Variants in ZPLD1 observed in about 807,000 individuals in gnomAD.
ZPLD1 encodes zona pellucida like domain containing 1.
In ZPLD1, 34 loss-of-function variants were observed where a neutral mutation model predicts 47.2. That is an observed-to-expected ratio of 0.72 (90% CI 0.55 to 0.96). The LOEUF (loss-of-function observed/expected upper bound fraction) is 0.96. Among genes scored for constraint, ZPLD1 ranks in the 40% least tolerant of loss-of-function variants. The pLI is 0.00. For synonymous variants in ZPLD1, 176 were observed against 186.2 expected (o/e 0.95, Z 0.45); for missense variants, 512 against 505.8 (o/e 1.01, Z -0.12).
intron 8 of ZPLD1, among the ~76,000 whole-genome samples, chr3:102,425,720 G>A (rs1228964163): frequency 4.6e-5 from 7 of 151,882 alleles, no homozygotes; most frequent in Admixed American, 4.6e-4. Context: ...CTTAGATTAT[G>A]TTCATCTCAT....
intron 7 of ZPLD1, among the ~76,000 whole-genome samples, chr3:102,410,616 G>A (rs1706738582): frequency 6.6e-6 from 1 of 151,588 alleles, no homozygotes; most frequent in South Asian, 2.1e-4. Context: ...CACAAATGAG[G>A]TAGTCTTTCA....
intron 10 of ZPLD1, among the ~76,000 whole-genome samples, chr3:102,473,600 G>A (rs751312494): frequency 2.6e-5 from 4 of 152,062 alleles, no homozygotes; most frequent in Admixed American, 6.6e-5. Flanking sequence ...AAATAATTTT[G>A]ATAAATACAA....
chr3:102,438,560 A>G lies in ZPLD1; in HGVS notation c.73A>G (p.Asn25Asp), dbSNP rs1198590434. Residue 25 changes from asparagine to aspartate, a missense_variant, in exon 3 of 12, where the codon AAC becomes GAC. Physicochemically the swap from Asn to Asp is conservative, Grantham distance 23 (BLOSUM62 1). Transcript: ENST00000466937. ...GGGGTCTGCTCAGTTCAACGGCTAC[A>G]ACTGTGATGCCAACCTCCACAGTAG... The part of the protein sequence containing the change: ...LPGSAQFNGY[N>D]CDANLHSRFP... The G allele has an allele frequency of 3.1e-6, 5 of 1,613,810 alleles. No homozygotes were observed. Among genetic ancestry groups the G allele is most frequent in the Non-Finnish European group, 3.4e-6 (4 of 1,179,820 alleles).
At chr3:102,470,602 A>T (rs1378760915) in intron 10 of ZPLD1, 100 bp downstream of exon 10, 6 of 849,480 alleles carry the variant, frequency 7.1e-6, no homozygotes, top group Non-Finnish European at 5.6e-6. Flanking sequence ...AAACAGCACT[A>T]ATTAATTGTG....
chr3:102,439,441 C>T (rs1319740282), intron 3 of ZPLD1, among the ~76,000 whole-genome samples: 1 of 152,048 alleles, frequency 6.6e-6, no homozygotes, highest in African/African-American at 2.4e-5. Flanking sequence ...TCTTCATGAA[C>T]TTAGACCTAG....
intron 7 of ZPLD1, among the ~76,000 whole-genome samples, chr3:102,406,102 C>G (rs1288273964): frequency 4.6e-5 from 7 of 151,870 alleles, no homozygotes; most frequent in African/African-American, 1.7e-4. Context: ...TTAATATGAC[C>G]AGGCATGGCA....
Position 102,477,789 on chromosome 3 carries a change from G to T in ZPLD1, c.*171G>T. The T allele has an allele frequency of 1.8e-6, 1 of 559,308 alleles. No homozygotes were observed. Among genetic ancestry groups the T allele is most frequent in the Non-Finnish European group, 2.9e-6 (1 of 350,624 alleles). 34.6% of individuals were successfully genotyped at this position (559,308 alleles called of 1,614,324 possible). A position where few individuals can be genotyped will look rare whatever the true frequency, so the allele number is the denominator to read the frequency against. Reference sequence around the variant, plus strand: ...GATAGTGAAAGAAGTTTATTATATTGCTATTGTCACTTATGTACGTGGCGA... The same window carrying T: ...GATAGTGAAAGAAGTTTATTATATTTCTATTGTCACTTATGTACGTGGCGA... On this transcript the variant is annotated 3_prime_UTR_variant, in exon 12 of 12. Coordinates refer to ENST00000466937, the MANE Select transcript of ZPLD1 (RefSeq NM_001329788.2).
chr3:102,479,136 A>C lies in ZPLD1; in HGVS notation c.*1518A>C, dbSNP rs949639418. 2 of 152,178 alleles carry C rather than the reference A, an allele frequency of 1.3e-5. No individual in the cohort carries two copies. The highest frequency in any genetic ancestry group is 2.9e-5 in the Non-Finnish European group (2 of 68,010). The allele number at this position is 152,178 out of a possible 1,614,324, so 9.4% of individuals were successfully genotyped here. A position where few individuals can be genotyped will look rare whatever the true frequency, so the allele number is the denominator to read the frequency against. On this transcript the variant is annotated 3_prime_UTR_variant, in exon 12 of 12. Coordinates refer to ENST00000466937, the MANE Select transcript of ZPLD1 (RefSeq NM_001329788.2). ...ATAATTGCATCAACTTTTTATTTCA[A>C]GGTATAGTTGCCAAGTAAAGTGGGA...
chr3:102,448,203 T>C (rs1707286506), intron 3 of ZPLD1, among the ~76,000 whole-genome samples: 1 of 152,210 alleles, frequency 6.6e-6, no homozygotes, highest in African/African-American at 2.4e-5. Context: ...GCAATGTAAC[T>C]GCACATAAAC....
In ZPLD1 at chr3:102,448,096, C is replaced by T. The variant is rs1028553851; in HGVS notation, c.107-4823C>T. 1.2e-4 allele frequency among the ~76,000 whole-genome samples: 19 copies of T among 152,228 alleles called. 1 individual carries two copies. In the South Asian group the frequency reaches 1.5e-3, roughly 12 times the overall value. On this transcript the variant is annotated intron_variant, in intron 3 of 11. Coordinates refer to ENST00000466937, the MANE Select transcript of ZPLD1 (RefSeq NM_001329788.2). ...GATAGATGGACGACAGGGTACAGAA[C>T]ATTATTTTTACCCTATTCAGTTGAA...
At chr3:102,441,781 G>A (rs1324794672) in intron 3 of ZPLD1, among the ~76,000 whole-genome samples, 1 of 152,104 alleles carries the variant, frequency 6.6e-6, no homozygotes, top group African/African-American at 2.4e-5. Context: ...TAGTCCTCAA[G>A]TAAGAGGACT....
chr3:102,423,366 C>T (rs1005942793), intron 8 of ZPLD1, among the ~76,000 whole-genome samples: 6 of 151,842 alleles, frequency 4.0e-5, no homozygotes, highest in African/African-American at 9.7e-5. Context: ...CTCAGTGGTT[C>T]GTAATCTCAA....
chr3:102,396,472 G>T (rs564356838), intron 7 of ZPLD1, among the ~76,000 whole-genome samples: 2 of 152,048 alleles, frequency 1.3e-5, no homozygotes, highest in Non-Finnish European at 2.9e-5. Flanking sequence ...AAACTAATGG[G>T]TTACATCTTT....
At chr3:102,396,743 C>G (rs1302670990) in intron 7 of ZPLD1, among the ~76,000 whole-genome samples, 1 of 152,136 alleles carries the variant, frequency 6.6e-6, no homozygotes, top group African/African-American at 2.4e-5. Flanking sequence ...CCACGGCACT[C>G]TGTTACGCTC....
chr3:102,467,679 A>T (rs927304299), intron 8 of ZPLD1, among the ~76,000 whole-genome samples: 2 of 152,102 alleles, frequency 1.3e-5, no homozygotes, highest in African/African-American at 4.8e-5. Flanking sequence ...ACCTAAATAG[A>T]TTATTAATTT....
At chr3:102,465,141 C>A (rs1707571053) in intron 8 of ZPLD1, among the ~76,000 whole-genome samples, 1 of 152,132 alleles carries the variant, frequency 6.6e-6, no homozygotes, top group Non-Finnish European at 1.5e-5. Flanking sequence ...TTAAAAATTT[C>A]ATATTCTTTG....
chr3:102,428,767 A>G (rs892294858), intron 8 of ZPLD1, among the ~76,000 whole-genome samples: 2 of 151,094 alleles, frequency 1.3e-5, no homozygotes, highest in Non-Finnish European at 3.0e-5. Context: ...ATATATATGT[A>G]TATAAAACCT....
intron 6 of ZPLD1, among the ~76,000 whole-genome samples, chr3:102,386,729 T>A (rs1706428813): frequency 6.6e-6 from 1 of 152,168 alleles, no homozygotes; most frequent in Admixed American, 6.5e-5. Context: ...TATTAAATAT[T>A]AGTACATTTA....
chr3:102,411,800 A>C (rs1449517710), intron 7 of ZPLD1, among the ~76,000 whole-genome samples: 1 of 151,854 alleles, frequency 6.6e-6, no homozygotes, highest in Non-Finnish European at 1.5e-5. Context: ...AGCATGTATA[A>C]AACTGGCTTG....
Sources: gnomAD v4.1 joint callset for allele counts (sites outside exome capture counted in the v4.1 genomes callset) on GRCh38, gnomAD v4.1.1 for gene constraint, MANE v1.5 for transcripts, NCBI Gene and HGNC (gene_info 2026-07-23, HGNC 2026-07-21) for gene names.